Variants in CSMD3 observed in about 807,000 individuals in gnomAD.
CSMD3 encodes CUB and sushi domain-containing protein 3.
A neutral mutation model predicts 435.2 loss-of-function variants in CSMD3; 177 were observed. The observed-to-expected ratio is 0.41, with a 90% CI of 0.36 to 0.46. CSMD3 has a LOEUF of 0.46. Among genes scored for constraint, CSMD3 ranks in the 20% least tolerant of loss-of-function variants. CSMD3 has a pLI of 0.34. For missense variants in CSMD3, 4,265 were observed against 4,504.6 expected, an observed-to-expected ratio of 0.95 and a Z score of 1.52; for synonymous variants, 1,656 against 1,520.5, an observed-to-expected ratio of 1.09 and a Z score of -2.07.
intron 10 of CSMD3, among the ~76,000 whole-genome samples, chr8:112,898,414 TTA>T (rs1216730120): frequency 2.0e-5 from 3 of 151,344 alleles, no homozygotes; most frequent in East Asian, 3.9e-4. Flanking sequence ...AGCCCAATTT[TTA>T]TGTTACTTGG....
intron 31 of CSMD3, among the ~76,000 whole-genome samples, chr8:112,486,632 T>G (rs1820161387): frequency 6.6e-6 from 1 of 152,170 alleles, no homozygotes. Flanking sequence ...ACCCTAGTTG[T>G]GAAACACATA....
In CSMD3 at chr8:113,325,865, A is replaced by T. The variant is rs186919777; in HGVS notation, c.179-11072T>A. The stretch of plus-strand genomic sequence containing the variant: ...AAAATGGAATAAGTGACAGAGAGTG[A>T]GGTGTCTGTCCATCAGGGTAGACTT... On this transcript the variant is annotated intron_variant, in intron 1 of 70. Transcript: ENST00000297405. Among the ~76,000 whole-genome samples, 776 of 152,274 alleles carry T rather than the reference A, an allele frequency of 5.1e-3. 10 individuals are homozygous for T. The highest frequency in any genetic ancestry group is 0.018 in the African/African-American group (749 of 41,544).
intron 22 of CSMD3, among the ~76,000 whole-genome samples, chr8:112,600,243 C>G (rs986856846): frequency 6.6e-6 from 1 of 151,808 alleles, no homozygotes; most frequent in South Asian, 2.1e-4. Flanking sequence ...AAAATGCTAC[C>G]AAAAATGACA....
chr8:113,004,064 C>A (rs1411614205), intron 6 of CSMD3, among the ~76,000 whole-genome samples: 1 of 151,968 alleles, frequency 6.6e-6, no homozygotes, highest in African/African-American at 2.4e-5. Context: ...TTCATGATAA[C>A]CATCTTGATT....
At chr8:113,086,104 CA>C (rs1564296804) in intron 5 of CSMD3, among the ~76,000 whole-genome samples, 1 of 151,836 alleles carries the variant, frequency 6.6e-6, no homozygotes, top group East Asian at 1.9e-4. Context: ...AAAAATTAGC[CA>C]GGCGTGGGTG....
intron 6 of CSMD3, among the ~76,000 whole-genome samples, chr8:112,992,908 G>T (rs1428217362): frequency 6.6e-6 from 1 of 151,416 alleles, no homozygotes; most frequent in Non-Finnish European, 1.5e-5. Context: ...GGCATGTGGG[G>T]ATAAATGAGG....
At chr8:112,232,702 G>A (rs1201719582) in intron 68 of CSMD3, among the ~76,000 whole-genome samples, 1 of 152,202 alleles carries the variant, frequency 6.6e-6, no homozygotes, top group Non-Finnish European at 1.5e-5. Context: ...TTTTAAATGG[G>A]TGAATTGTAG....
At position 112,829,812 on chromosome 8, in the gene CSMD3, A is replaced by T. The variant is rs758704067; in HGVS notation, c.1756-23T>A. On this transcript the variant is annotated intron_variant, in intron 11 of 70. Transcript: ENST00000297405. Reference sequence around the variant, plus strand: ...AACCTAGCAGTAAACAGAAACATGCACCTTAAATATACTGCGTTGTGCAAT... The same window carrying T: ...AACCTAGCAGTAAACAGAAACATGCTCCTTAAATATACTGCGTTGTGCAAT... 5 of 1,222,170 alleles carry T rather than the reference A, an allele frequency of 4.1e-6. No individual in the cohort carries two copies. The Admixed American group carries it at 8.4e-5, about 21-fold the overall frequency. The allele number at this position is 1,222,170 out of a possible 1,614,324, so 75.7% of individuals were successfully genotyped here. A position where few individuals can be genotyped will look rare whatever the true frequency, so the allele number is the denominator to read the frequency against.
intron 1 of CSMD3, among the ~76,000 whole-genome samples, chr8:113,374,818 T>TAAAAAAAAAAAAAAAAAAAAAAAAAAAAA (rs1215451792): frequency 7.1e-5 from 2 of 28,108 alleles, no homozygotes; most frequent in African/African-American, 2.4e-4. Context: ...TGTTAAAAAG[T>TAAAAAAAAAAAAAAAAAAAAAAAAAAAAA]AAAAAAAAAA....
chr8:113,266,303 T>C (rs1265235895), intron 3 of CSMD3, among the ~76,000 whole-genome samples: 1 of 151,346 alleles, frequency 6.6e-6, no homozygotes, highest in Non-Finnish European at 1.5e-5. Context: ...ATGTCATTAT[T>C]TTAAAAAGAC....
chr8:113,265,063 A>G (rs139012685), intron 3 of CSMD3, among the ~76,000 whole-genome samples: 1 of 151,754 alleles, frequency 6.6e-6, no homozygotes, highest in African/African-American at 2.4e-5. Context: ...AAAATCCAAA[A>G]TGATTTTTTA....
At chr8:112,522,711 C>T (rs1388165741) in intron 27 of CSMD3, among the ~76,000 whole-genome samples, 2 of 151,780 alleles carry the variant, frequency 1.3e-5, no homozygotes, top group East Asian at 1.9e-4. Flanking sequence ...ACATTTTAAT[C>T]GCTTTACTCT....
intron 2 of CSMD3, among the ~76,000 whole-genome samples, chr8:113,280,136 T>C (rs2093602682): frequency 6.6e-6 from 1 of 151,838 alleles, no homozygotes; most frequent in Non-Finnish European, 1.5e-5. Context: ...CCTTTTTTGG[T>C]TATGTCCTTT....
In CSMD3 at chr8:112,573,594, C is replaced by G. The variant is rs575184135; in HGVS notation, c.3949G>C (p.Gly1317Arg). The change falls in exon 24 of 71, where the codon GGA becomes CGA. Residue 1317 changes from glycine to arginine, a missense_variant. By Grantham distance (125) the Gly-to-Arg change is moderately radical. Coordinates refer to ENST00000297405, the MANE Select transcript of CSMD3 (RefSeq NM_198123.2). Reference sequence around the variant, plus strand: ...TTTGAAGTACTACTAAGTGTCAGTCCGCGCATAGATGCACCAGTAAAAGCA... The same window carrying G: ...TTTGAAGTACTACTAAGTGTCAGTCGGCGCATAGATGCACCAGTAAAAGCA... ...LGAFTGASMR[G>R]LTLSSTSNQL... 2.5e-6 allele frequency: 4 copies of G among 1,613,022 alleles called. No homozygotes were observed. Among genetic ancestry groups the G allele is most frequent in the Non-Finnish European group, 3.4e-6 (4 of 1,179,250 alleles).
intron 3 of CSMD3, among the ~76,000 whole-genome samples, chr8:113,219,885 A>G (rs1298839154): frequency 1.3e-5 from 2 of 151,466 alleles, no homozygotes; most frequent in Non-Finnish European, 3.0e-5. Flanking sequence ...ATATATTACA[A>G]ACAAAGTGTT....
chr8:112,834,625 T>G (rs1274410294), intron 11 of CSMD3, among the ~76,000 whole-genome samples: 1 of 151,742 alleles, frequency 6.6e-6, no homozygotes, highest in Non-Finnish European at 1.5e-5. Flanking sequence ...TCCTTCTTTA[T>G]TGATACTTTA....
intron 60 of CSMD3, among the ~76,000 whole-genome samples, chr8:112,264,569 G>A (rs1816757212): frequency 6.6e-6 from 1 of 151,846 alleles, no homozygotes; most frequent in South Asian, 2.1e-4. Context: ...TAAGTGTATA[G>A]AATAACATCT....
chr8:113,356,603 G>A (rs945598964), intron 1 of CSMD3, among the ~76,000 whole-genome samples: 2 of 152,138 alleles, frequency 1.3e-5, no homozygotes, highest in South Asian at 4.1e-4. Context: ...TTGAACTGAT[G>A]AACAAATTAC....
At chr8:112,591,146 A>G (rs1244750767) in intron 22 of CSMD3, among the ~76,000 whole-genome samples, 1 of 152,158 alleles carries the variant, frequency 6.6e-6, no homozygotes, top group Non-Finnish European at 1.5e-5. Flanking sequence ...TACACATTGT[A>G]TATGATGACT....
Sources: allele counts gnomAD v4.1 joint callset (sites outside exome capture counted in the v4.1 genomes callset), GRCh38; gene constraint gnomAD v4.1.1; transcripts MANE v1.5; gene names NCBI Gene and HGNC (gene_info 2026-07-23, HGNC 2026-07-21).